Variants in GLB1 observed in about 807,000 individuals in gnomAD.
The protein encoded by GLB1 is beta-galactosidase.
GLB1 carries 56 observed loss-of-function variants against 74.0 expected under a neutral mutation model. The observed-to-expected ratio is 0.76, with a 90% CI of 0.61 to 0.94. GLB1 has a LOEUF of 0.94. GLB1 is among the 40% of genes least tolerant of loss of function. The pLI, the probability that GLB1 is intolerant of heterozygous loss-of-function variation, is 0.00. For synonymous variants in GLB1, 323 were observed against 323.6 expected (o/e 1.00, Z 0.02); for missense variants, 787 against 845.5 (o/e 0.93, Z 0.86).
chr3:33,069,811 A>AT (rs1699826200), intron 2 of GLB1, among the ~76,000 whole-genome samples: 1 of 152,168 alleles, frequency 6.6e-6, no homozygotes, highest in Non-Finnish European at 1.5e-5. Flanking sequence ...AGTTAAATAA[A>AT]TTTTTAAAAA....
At chr3:33,045,980 C>A in intron 10 of GLB1, 140 bp downstream of exon 10, 1 of 1,194,474 alleles carries the variant, frequency 8.4e-7, no homozygotes, top group Non-Finnish European at 1.2e-6. Flanking sequence ...AAGATGCAAA[C>A]CCAAGTCTAG....
chr3:32,999,165 C>T (rs538937816), intron 15 of GLB1, among the ~76,000 whole-genome samples: 21 of 152,280 alleles, frequency 1.4e-4, no homozygotes, highest in African/African-American at 3.6e-4. Flanking sequence ...AGAAAGAGGA[C>T]GACAGTTTCA....
At chr3:33,034,764 GCT>G (rs1455473774) in intron 10 of GLB1, 6 of 659,182 alleles carry the variant, frequency 9.1e-6, no homozygotes, top group Non-Finnish European at 1.8e-5. Context: ...AAGGGCCAGG[GCT>G]CTGTGTCAGC....
chr3:32,985,539 G>A, the GLB1 span, among the ~76,000 whole-genome samples: 3 of 152,030 alleles, frequency 2.0e-5, no homozygotes, highest in Admixed American at 1.3e-4. Flanking sequence ...TGATCTGCCC[G>A]CTTTGGCCTC....
At chr3:33,086,783 A>T (rs965627924) in intron 1 of GLB1, among the ~76,000 whole-genome samples, 13 of 152,178 alleles carry the variant, frequency 8.5e-5, no homozygotes, top group African/African-American at 2.7e-4. Flanking sequence ...GATAAAAAAT[A>T]AGGAAAAGGG....
the GLB1 span, among the ~76,000 whole-genome samples, chr3:32,980,719 T>G: frequency 6.6e-6 from 1 of 152,082 alleles, no homozygotes; most frequent in South Asian, 2.1e-4. Context: ...AGGTGGAGGT[T>G]GCAGTGAGCC....
intron 10 of GLB1, among the ~76,000 whole-genome samples, chr3:33,031,651 A>G: frequency 1.9e-5 from 2 of 104,830 alleles, no homozygotes; most frequent in Non-Finnish European, 3.6e-5. Flanking sequence ...ATATATATAT[A>G]TATATATATA....
chr3:33,077,082 T>C lies in GLB1; in HGVS notation c.76-4369A>G, dbSNP rs1181500875. The C allele has an allele frequency of 4.4e-6, 6 of 1,364,276 alleles. No individual in the cohort carries two copies. In the East Asian group the frequency reaches 1.2e-4, roughly 27 times the overall value. 84.5% of individuals were successfully genotyped at this position (1,364,276 alleles called of 1,614,324 possible). Reference sequence around the variant, plus strand: ...CTATAAAAAAAAAAATTAAAATTAGTGTCTCCCTCACCCACTGCTGCCGCC... The same window carrying C: ...CTATAAAAAAAAAAATTAAAATTAGCGTCTCCCTCACCCACTGCTGCCGCC... On this transcript the variant is annotated intron_variant, in intron 1 of 15. Transcript: ENST00000307363.
chr3:32,969,468 C>T, the GLB1 span, among the ~76,000 whole-genome samples: 1 of 152,212 alleles, frequency 6.6e-6, no homozygotes, highest in East Asian at 1.9e-4. Flanking sequence ...CTGCAAGGGG[C>T]ACCAAAAAGC....
intron 6 of GLB1, among the ~76,000 whole-genome samples, chr3:33,056,752 G>A (rs779879816): frequency 8.6e-5 from 13 of 151,934 alleles, no homozygotes; most frequent in Non-Finnish European, 1.5e-5. Flanking sequence ...AGAATAAATT[G>A]CAGATGTGAT....
At chr3:33,038,306 C>G (rs1192079719) in intron 10 of GLB1, among the ~76,000 whole-genome samples, 2 of 152,096 alleles carry the variant, frequency 1.3e-5, no homozygotes, top group African/African-American at 4.8e-5. Context: ...CGACAGATCT[C>G]AGAAAAATAA....
chr3:33,092,711 A>C, intron 1 of GLB1: 1 of 1,469,762 alleles, frequency 6.8e-7, no homozygotes, highest in Non-Finnish European at 9.0e-7. Flanking sequence ...CAGGCTTGTG[A>C]CCAAGGGTGT....
the GLB1 span, among the ~76,000 whole-genome samples, chr3:32,963,221 G>A: frequency 6.6e-6 from 1 of 152,182 alleles, no homozygotes; most frequent in Admixed American, 6.5e-5. Context: ...TGGGCCAAAT[G>A]TATTGGCATC....
intron 11 of GLB1, among the ~76,000 whole-genome samples, chr3:33,023,114 C>T (rs1697571531): frequency 6.6e-6 from 1 of 152,174 alleles, no homozygotes; most frequent in African/African-American, 2.4e-5. Flanking sequence ...CATTTCTGCT[C>T]ACACAATTTT....
At chr3:32,971,757 C>T in the GLB1 span, among the ~76,000 whole-genome samples, 1 of 152,220 alleles carries the variant, frequency 6.6e-6, no homozygotes, top group Non-Finnish European at 1.5e-5. Flanking sequence ...ACGACTCCTA[C>T]TTACCAGATC....
intron 15 of GLB1, among the ~76,000 whole-genome samples, chr3:33,007,235 A>G (rs1696825758): frequency 6.6e-6 from 1 of 152,228 alleles, no homozygotes; most frequent in Non-Finnish European, 1.5e-5. Context: ...ATTGACATAG[A>G]ATTCATATAC....
At chr3:33,060,898 A>C (rs1699415409) in intron 5 of GLB1, among the ~76,000 whole-genome samples, 1 of 152,008 alleles carries the variant, frequency 6.6e-6, no homozygotes, top group South Asian at 2.1e-4. Context: ...CATGACTAGA[A>C]CCTTGCACAG....
the GLB1 span, among the ~76,000 whole-genome samples, chr3:32,981,414 A>G: frequency 0.085 from 12,390 of 145,932 alleles, 637 homozygotes; most frequent in African/African-American, 0.14. Flanking sequence ...AAAAAAAAAA[A>G]AAGAAAAAGA....
chr3:33,036,296 A>T (rs1698273572), intron 10 of GLB1, among the ~76,000 whole-genome samples: 1 of 152,170 alleles, frequency 6.6e-6, no homozygotes, highest in Non-Finnish European at 1.5e-5. Flanking sequence ...AAGTGTGTGG[A>T]GTTTCAGGGA....
Sources: allele counts gnomAD v4.1 joint callset (sites outside exome capture counted in the v4.1 genomes callset), GRCh38; gene constraint gnomAD v4.1.1; transcripts MANE v1.5; gene names NCBI Gene and HGNC (gene_info 2026-07-23, HGNC 2026-07-21).